Variants in DENND1C observed in about 807,000 individuals in gnomAD.
DENND1C encodes DENN domain containing 1C, also known as DENN domain-containing protein 1C.
Under a neutral mutation model 87.9 loss-of-function variants are expected in DENND1C, and 64 were observed. That is an observed-to-expected ratio of 0.73 (90% CI 0.60 to 0.90). The LOEUF is 0.90. Ranked by LOEUF, DENND1C falls within the 40% of genes least tolerant of loss-of-function variation. The pLI is 0.00. For missense variants in DENND1C, 980 were observed against 1,037.0 expected (o/e 0.95, Z 0.76); for synonymous variants, 384 against 424.4 (o/e 0.90, Z 1.17).
rs2092854489 is a variant in DENND1C, at chr19:6,475,601, G to A, written c.826-16C>T. 4 of 1,613,880 alleles carry A rather than the reference G, an allele frequency of 2.5e-6. No individual in the cohort carries two copies. Among genetic ancestry groups the A allele is most frequent in the South Asian group, 1.1e-5 (1 of 91,094 alleles). On this transcript the variant is annotated splice_polypyrimidine_tract_variant and intron_variant, in intron 12 of 22. Coordinates refer to ENST00000381480, the MANE Select transcript of DENND1C (RefSeq NM_024898.4). The stretch of plus-strand genomic sequence containing the variant: ...CTCGTACTCTCTGCGGAAAAGCGGG[G>A]TCGGCCGCTCAGAGCCCGGGAGTCC...
chr19:6,471,370 G>T, intron 16 of DENND1C, 36 bp downstream of exon 16: 2 of 1,585,316 alleles, frequency 1.3e-6, no homozygotes, highest in Non-Finnish European at 1.7e-6. Context: ...CTGGTGGCGG[G>T]TAGTGGGGGA....
At chr19:6,476,558 T>C (rs1568399216) in intron 10 of DENND1C, 1 of 323,660 alleles carries the variant, frequency 3.1e-6, no homozygotes. Context: ...TTCCCACGTG[T>C]ATAAGTCCCT....
Position 6,467,635 on chromosome 19 carries a change from G to A in DENND1C, c.2275C>T (p.Arg759Cys), listed in dbSNP as rs368973932. 10 of 1,549,876 alleles carry A rather than the reference G, an allele frequency of 6.5e-6. No homozygotes were observed. Among genetic ancestry groups the A allele is most frequent in the Admixed American group, 4.2e-5 (2 of 47,940 alleles). Residue 759 changes from arginine (R) to cysteine (C), a missense_variant, in exon 23 of 23, where the codon CGC (arginine) becomes TGC (cysteine). Physicochemically the swap from Arg to Cys is radical, Grantham distance 180. Coordinates refer to ENST00000381480, the MANE Select transcript of DENND1C (RefSeq NM_024898.4). ...TCCTCCCGTGGCTGGAGGTGAGCGC[G>A]CTCTGCCAGCAGGGCTTTGGGAGGC... is the stretch of plus-strand genomic sequence containing the variant. ...ARPPKALLAE[R>C]AHLQPREEPG...
At position 6,475,688 on chromosome 19, in the gene DENND1C, G is replaced by C. The variant is rs367562972; in HGVS notation, c.825+18C>G. The C allele has an allele frequency of 1.9e-5, 31 of 1,603,584 alleles. No individual in the cohort carries two copies. In the African/African-American group the frequency reaches 4.0e-4, roughly 21 times the overall value. On this transcript the variant is annotated intron_variant, in intron 12 of 22. Coordinates refer to ENST00000381480, the MANE Select transcript of DENND1C (RefSeq NM_024898.4). ...GGGAACCCTCACGTCCCCGTCGTCT[G>C]GGTAGATCCACGCTCACCTCGGCGA...
In DENND1C at chr19:6,472,918, G is replaced by A. The variant is rs138572778; in HGVS notation, c.1129C>T (p.Arg377Trp). Residue 377 changes from arginine (R) to tryptophan (W), a missense_variant, in exon 15 of 23, where the codon CGG (arginine) becomes TGG (tryptophan). Arg to Trp is a moderately radical substitution (Grantham distance 101). Transcript: ENST00000381480. ...PGAPLQAFHR[R>W]AVHLQLFKQF... Reference sequence around the variant, plus strand: ...TTGAACAGCTGCAGGTGCACAGCCCGCCGGTGGAAGGCCTGCAGAGGTGCC... The same window carrying A: ...TTGAACAGCTGCAGGTGCACAGCCCACCGGTGGAAGGCCTGCAGAGGTGCC... 104 of 1,589,186 alleles carry A rather than the reference G, an allele frequency of 6.5e-5. 1 individual carries two copies. In the South Asian group the frequency reaches 6.8e-4, roughly 10 times the overall value.
In DENND1C at chr19:6,468,618, G is replaced by T; in HGVS notation, c.1543C>A (p.Arg515Ser). Residue 515 changes from arginine (R) to serine (S), a missense_variant, in exon 21 of 23, where the codon CGC becomes AGC. Arg to Ser is a moderately radical substitution (Grantham distance 110). Coordinates refer to ENST00000381480, the MANE Select transcript of DENND1C (RefSeq NM_024898.4). ...KNRPLRPSRR[R>S]QLEEGTSEPP... Reference sequence around the variant, plus strand: ...TCGGAAGTTCCCTCTTCCAGCTGGCGTCTCCTGCTGGGGCGAAGGGGCCGG... The same window carrying T: ...TCGGAAGTTCCCTCTTCCAGCTGGCTTCTCCTGCTGGGGCGAAGGGGCCGG... 6.7e-7 allele frequency: 1 copy of T among 1,503,652 alleles called. No homozygotes were observed. Among genetic ancestry groups the T allele is most frequent in the South Asian group, 1.4e-5 (1 of 71,920 alleles). 93.1% of individuals were successfully genotyped at this position (1,503,652 alleles called of 1,614,324 possible).
intron 6 of DENND1C, 120 bp from the exon 7 acceptor site, chr19:6,477,578 G>T (rs1338537478): frequency 1.7e-5 from 6 of 355,800 alleles, no homozygotes; most frequent in South Asian, 1.2e-4. Flanking sequence ...AGTCCTGGGA[G>T]TTTTTTTTTT....
At chr19:6,480,181 T>A (rs1041778878) in intron 1 of DENND1C, 130 bp from the exon 2 acceptor site, 57 of 1,491,348 alleles carry the variant, frequency 3.8e-5, no homozygotes, top group Non-Finnish European at 5.0e-5. Context: ...ACTCTGGGGG[T>A]TTGTGGCTGT....
In DENND1C at chr19:6,475,390, G is replaced by T. The variant is rs755671656; in HGVS notation, c.937C>A (p.Leu313Met). ...GCGACCTTCCTGAGCCGGAGCCTCA[G>T]CAGGGACACCTGAAGCACAAGGGAG... ...QALPPDVVSL[L>M]RLRLRKVALA... Residue 313 changes from leucine (L) to methionine (M), a missense_variant, in exon 14 of 23, where the codon CTG (leucine) becomes ATG (methionine). Physicochemically the swap from Leu to Met is conservative, Grantham distance 15. Coordinates refer to ENST00000381480, the MANE Select transcript of DENND1C (RefSeq NM_024898.4). 5.0e-6 allele frequency: 8 copies of T among 1,611,628 alleles called. No individual in the cohort carries two copies. In the South Asian group the frequency reaches 8.8e-5, roughly 18 times the overall value.
intron 6 of DENND1C, 159 bp from the exon 7 acceptor site, chr19:6,477,617 A>AATAATAATAATAATT (rs2092870574): frequency 4.3e-6 from 1 of 232,316 alleles, no homozygotes; most frequent in Admixed American, 5.6e-5. Flanking sequence ...TAATAATAAT[A>AATAATAATAATAATT]ATAATAATAA....
At chr19:6,480,664 G>A (rs953613321) in intron 1 of DENND1C, 6 of 215,632 alleles carry the variant, frequency 2.8e-5, no homozygotes, top group East Asian at 1.9e-4. Flanking sequence ...GGAGTACAGT[G>A]GCACGATCTT....
At chr19:6,477,576 G>C in intron 6 of DENND1C, 118 bp from the exon 7 acceptor site, 1 of 471,160 alleles carries the variant, frequency 2.1e-6, no homozygotes, top group African/African-American at 2.3e-5. Context: ...TCAGTCCTGG[G>C]AGTTTTTTTT....
In DENND1C at chr19:6,478,827, A is replaced by T; in HGVS notation, c.322T>A (p.Tyr108Asn). 6.2e-7 allele frequency: 1 copy of T among 1,613,694 alleles called. No homozygotes were observed. Residue 108 changes from tyrosine (Y) to asparagine (N), a missense_variant, in exon 6 of 23, where the codon TAC becomes AAC. Coordinates refer to ENST00000381480, the MANE Select transcript of DENND1C (RefSeq NM_024898.4). Reference protein sequence around the residue: ...LSHLPWFEVFYKLLNTVGDLL... With the variant: ...LSHLPWFEVFNKLLNTVGDLL... ...TCTCCCACTGTGTTCAATAGCTTGT[A>T]AAACACCTCGAACCAAGGCAGGTGG...
chr19:6,477,149 G>T (rs2092866254), intron 8 of DENND1C, 22 bp from the exon 9 acceptor site: 3 of 1,599,828 alleles, frequency 1.9e-6, no homozygotes, highest in Non-Finnish European at 2.6e-6. Flanking sequence ...ATTGGCAGGG[G>T]GATCAATCAG....
In DENND1C at chr19:6,480,060, T is replaced by G. The variant is rs1224321490; in HGVS notation, c.18-9A>C. 3 of 1,603,636 alleles carry G rather than the reference T, an allele frequency of 1.9e-6. No individual in the cohort carries two copies. Among genetic ancestry groups the G allele is most frequent in the African/African-American group, 2.7e-5 (2 of 74,794 alleles). Reference sequence around the variant, plus strand: ...CAGCAGGGGAGCCCCCTCTGTGGGATGCAGAAGGGGTCCAGAGACTTGCTT... The same window carrying G: ...CAGCAGGGGAGCCCCCTCTGTGGGAGGCAGAAGGGGTCCAGAGACTTGCTT... On this transcript the variant is annotated splice_polypyrimidine_tract_variant and intron_variant, in intron 1 of 22. Transcript: ENST00000381480.
rs368728559 is a variant in DENND1C at position 6,475,925 on chromosome 19, C to A, written c.691G>T (p.Val231Phe). 3 of 1,564,980 alleles carry A rather than the reference C, an allele frequency of 1.9e-6. No homozygotes were observed. The highest frequency in any genetic ancestry group is 2.6e-6 in the Non-Finnish European group (3 of 1,164,564). The change falls in exon 11 of 23, where the codon GTC (valine) becomes TTC (phenylalanine). Residue 231 changes from valine to phenylalanine, a missense_variant. Coordinates refer to ENST00000381480, the MANE Select transcript of DENND1C (RefSeq NM_024898.4). ...ASKLSTLTSC[V>F]HASCALLYPM... Reference sequence around the variant, plus strand: ...TACAGGAGCGCGCAGGACGCGTGGACGCACGAGGTCAGCTGGGGAGCGATG... The same window carrying A: ...TACAGGAGCGCGCAGGACGCGTGGAAGCACGAGGTCAGCTGGGGAGCGATG...
In DENND1C at chr19:6,470,316, G is replaced by T. The variant is rs376966529; in HGVS notation, c.1341C>A (p.Ala447=). 1 of 1,611,830 alleles carries T rather than the reference G, an allele frequency of 6.2e-7. No individual in the cohort carries two copies. The highest frequency in any genetic ancestry group is 8.5e-7 in the Non-Finnish European group (1 of 1,179,154). ...TCACCGAGCGGTACATGTTCTTGAC[G>T]GCTGGTTGGGTCTTGGCCTTGACTG... ...LHSVKAKTQP[A]VKNMYRSAKS... The change falls in exon 18 of 23, where the codon GCC becomes GCA. Residue 447 remains alanine (A), a synonymous_variant. Coordinates refer to ENST00000381480, the MANE Select transcript of DENND1C (RefSeq NM_024898.4).
chr19:6,468,831 G>T lies in DENND1C; in HGVS notation c.1515+15C>A. ...ATAATTCCAGGTGTGTGCATGGGGG[G>T]AGGGGCGCTCTCACCTTTCCAAAGT... On this transcript the variant is annotated intron_variant, in intron 20 of 22. Transcript: ENST00000381480. The T allele has an allele frequency of 6.6e-7, 1 of 1,504,116 alleles. No homozygotes were observed. The allele number at this position is 1,504,116 out of a possible 1,614,324, so 93.2% of individuals were successfully genotyped here.
chr19:6,474,869 G>C (rs2092849324), intron 14 of DENND1C, among the ~76,000 whole-genome samples: 1 of 152,030 alleles, frequency 6.6e-6, no homozygotes, highest in African/African-American at 2.4e-5. Context: ...AGGAGTTCGA[G>C]ACCAGCCTGG....
Sources: allele counts gnomAD v4.1 joint callset (sites outside exome capture counted in the v4.1 genomes callset), GRCh38; gene constraint gnomAD v4.1.1; transcripts MANE v1.5; gene names NCBI Gene and HGNC (gene_info 2026-07-23, HGNC 2026-07-21).